The following PGGHG variants were observed in gnomAD, a reference collection of about 807,000 sequenced individuals.
PGGHG encodes the protein protein-glucosylgalactosylhydroxylysine glucosidase.
A neutral mutation model predicts 74.5 loss-of-function variants in PGGHG; 67 were observed. The observed-to-expected ratio is 0.90, with a 90% CI of 0.74 to 1.10. The LOEUF is 1.10. Ranked by LOEUF, PGGHG falls within the 50% of genes least tolerant of loss-of-function variation. The pLI is 0.00. For synonymous variants in PGGHG, 496 were observed against 419.9 expected, an observed-to-expected ratio of 1.18 and a Z score of -2.21; for missense variants, 1,034 against 981.5, an observed-to-expected ratio of 1.05 and a Z score of -0.72.
intron 2 of PGGHG, 136 bp downstream of exon 2, chr11:290,211 C>A: frequency 7.2e-7 from 1 of 1,389,890 alleles, no homozygotes; most frequent in African/African-American, 1.5e-5. Flanking sequence ...CCCAGAGGCC[C>A]GCAGGGTCCC....
chr11:295,176 G>A lies in PGGHG; in HGVS notation c.*427G>A, dbSNP rs529512693. The stretch of plus-strand genomic sequence containing the variant: ...CGTGGACAGCAGGGATAAGGGGCAC[G>A]AAGGACGGGGACTCGGCCCCTTCAG... On this transcript the variant is annotated 3_prime_UTR_variant, in exon 14 of 14. Transcript: ENST00000409548. 3.0e-4 allele frequency: 48 copies of A among 161,716 alleles called. No homozygotes were observed. The highest frequency in any genetic ancestry group is 1.0e-3 in the African/African-American group (44 of 41,944). 10.0% of individuals were successfully genotyped at this position (161,716 alleles called of 1,614,324 possible). A position where few individuals can be genotyped will look rare whatever the true frequency, so the allele number is the denominator to read the frequency against.
At chr11:291,315 G>A (rs1845713883) in intron 4 of PGGHG, 2 of 630,450 alleles carry the variant, frequency 3.2e-6, no homozygotes, top group Admixed American at 3.5e-5. Flanking sequence ...AGAGCTGAGA[G>A]GGCCTGAGGC....
At chr11:293,101 C>T (rs548505527) in intron 7 of PGGHG, 62 bp from the exon 8 acceptor site, 11 of 1,613,894 alleles carry the variant, frequency 6.8e-6, no homozygotes, top group Admixed American at 3.3e-5. Flanking sequence ...CGCTGACCAC[C>T]GGCGTGGAGG....
At position 290,516 on chromosome 11, in the gene PGGHG, C is replaced by T; in HGVS notation, c.386C>T (p.Pro129Leu). The T allele has an allele frequency of 6.4e-7, 1 of 1,550,504 alleles. No homozygotes were observed. Among genetic ancestry groups the T allele is most frequent in the African/African-American group, 1.4e-5 (1 of 73,166 alleles). The change falls in exon 3 of 14, where the codon CCC becomes CTC. Residue 129 changes from proline (P) to leucine (L), a missense_variant. Coordinates refer to ENST00000409548, the MANE Select transcript of PGGHG (RefSeq NM_025092.5). The stretch of plus-strand genomic sequence containing the variant: ...GCCCGCCTGGCCCCGGGGAGCGGGC[C>T]CATCACGCTGCTCCTGCGGTCAGCC... Reference protein sequence around the residue: ...SIARLAPGSGPITLLLRSAFS... With the variant: ...SIARLAPGSGLITLLLRSAFS...
Position 290,437 on chromosome 11 carries a change from T to G in PGGHG, c.307T>G (p.Cys103Gly). Residue 103 changes from cysteine to glycine, a missense_variant, in exon 3 of 14, where the codon TGC becomes GGC. Physicochemically the swap from Cys to Gly is radical, Grantham distance 159. Transcript: ENST00000409548. Reference sequence around the variant, plus strand: ...GGGCCCCCGCTTCCGGGCCTCCCAGTGCATCTATGCGCATCGCACGCTGCC... The same window carrying G: ...GGGCCCCCGCTTCCGGGCCTCCCAGGGCATCTATGCGCATCGCACGCTGCC... Reference protein sequence around the residue: ...LEGPRFRASQCIYAHRTLPHV... With the variant: ...LEGPRFRASQGIYAHRTLPHV... 6.5e-7 allele frequency: 1 copy of G among 1,548,962 alleles called. No homozygotes were observed. The highest frequency in any genetic ancestry group is 8.7e-7 in the Non-Finnish European group (1 of 1,146,912).
chr11:290,691 C>T lies in PGGHG; in HGVS notation c.484C>T (p.His162Tyr). The T allele has an allele frequency of 6.2e-7, 1 of 1,605,320 alleles. No homozygotes were observed. Among genetic ancestry groups the T allele is most frequent in the Non-Finnish European group, 8.5e-7 (1 of 1,174,800 alleles). The change falls in exon 4 of 14, where the codon CAC becomes TAC. Residue 162 changes from histidine to tyrosine, a missense_variant. Transcript: ENST00000409548. ...DFQGARYLYG[H>Y]TLTPEQPGGP... ...ACGCTCTCACAGGTACCTGTATGGC[C>T]ACACCCTCACCCCTGAGCAGCCCGG...
chr11:290,571 G>A lies in PGGHG; in HGVS notation c.441G>A (p.Leu147=). 2 of 1,553,306 alleles carry A rather than the reference G, an allele frequency of 1.3e-6. No homozygotes were observed. The highest frequency in any genetic ancestry group is 1.7e-6 in the Non-Finnish European group (2 of 1,148,378). Residue 147 remains leucine, a synonymous_variant, in exon 3 of 14, where the codon CTG becomes CTA. Coordinates refer to ENST00000409548, the MANE Select transcript of PGGHG (RefSeq NM_025092.5). Reference sequence around the variant, plus strand: ...CCCCAGAAAGCCCAGACCTGGACCTGCATCAGGGTCCTGACTTCCAGGGAG... The same window carrying A: ...CCCCAGAAAGCCCAGACCTGGACCTACATCAGGGTCCTGACTTCCAGGGAG... The part of the protein sequence containing the change: ...AFSPESPDLD[L]HQGPDFQGAR...
intron 4 of PGGHG, 164 bp downstream of exon 4, chr11:291,277 G>T: frequency 1.1e-6 from 1 of 877,978 alleles, no homozygotes; most frequent in Non-Finnish European, 1.7e-6. Flanking sequence ...GAGTGATCTA[G>T]GTGAGGGGAA....
At position 294,216 on chromosome 11, in the gene PGGHG, G is replaced by T; in HGVS notation, c.1808+20G>T. ...GTTCAGGTAAGTGCAGAGGCTGGCA[G>T]AGGGCAGCCCATGCCCCCACCTGCC... On this transcript the variant is annotated intron_variant, in intron 12 of 13. Transcript: ENST00000409548. 1 of 1,599,144 alleles carries T rather than the reference G, an allele frequency of 6.3e-7. No homozygotes were observed. Among genetic ancestry groups the T allele is most frequent in the Non-Finnish European group, 8.5e-7 (1 of 1,171,624 alleles).
rs757037803 is a variant in PGGHG at position 293,617 on chromosome 11, G to A, written c.1504G>A (p.Val502Ile). 1.1e-5 allele frequency: 18 copies of A among 1,613,488 alleles called. No individual in the cohort carries two copies. The highest frequency in any genetic ancestry group is 9.3e-5 in the African/African-American group (7 of 74,912). Reference protein sequence around the residue: ...EPGEVVKQADVVLLGYPVPFS... With the variant: ...EPGEVVKQADIVLLGYPVPFS... ...AGGAGAGGTGGTGAAGCAGGCAGACGTCGTGCTCCTGGGATACCCAGTCCC... is the reference window on the plus strand; with the variant it reads ...AGGAGAGGTGGTGAAGCAGGCAGACATCGTGCTCCTGGGATACCCAGTCCC... The change falls in exon 10 of 14, where the codon GTC becomes ATC. Residue 502 changes from valine to isoleucine, a missense_variant. Coordinates refer to ENST00000409548, the MANE Select transcript of PGGHG (RefSeq NM_025092.5).
rs1332400128 is a variant in PGGHG at position 293,065 on chromosome 11, C to T, written c.1270+68C>T. 1.9e-6 allele frequency: 3 copies of T among 1,613,826 alleles called. No homozygotes were observed. The Admixed American group carries it at 5.0e-5, about 27-fold the overall frequency. ...GCTCCCAGACTCAGCAGATGATTTTCAGACACCTCACGTGTGCCAGCCCCA... is the reference window on the plus strand; with the variant it reads ...GCTCCCAGACTCAGCAGATGATTTTTAGACACCTCACGTGTGCCAGCCCCA... On this transcript the variant is annotated intron_variant, in intron 7 of 13. Transcript: ENST00000409548.
rs747510894 is a variant in PGGHG at position 293,717 on chromosome 11, C to T, written c.1604C>T (p.Ala535Val). ...YEAVTSPQGPAMTWSMFAVGW... is the reference protein window; with the variant it reads ...YEAVTSPQGPVMTWSMFAVGW... ...GCTGTGACGTCCCCCCAGGGCCCCG[C>T]CATGACCTGGGTGAGCACCCTGGGG... is the stretch of plus-strand genomic sequence containing the variant. The change falls in exon 10 of 14, where the codon GCC becomes GTC. Residue 535 changes from alanine to valine, a missense_variant. Coordinates refer to ENST00000409548, the MANE Select transcript of PGGHG (RefSeq NM_025092.5). 1 of 1,613,232 alleles carries T rather than the reference C, an allele frequency of 6.2e-7. No individual in the cohort carries two copies. Among genetic ancestry groups the T allele is most frequent in the East Asian group, 2.2e-5 (1 of 44,892 alleles).
At position 294,082 on chromosome 11, in the gene PGGHG, T is replaced by A; in HGVS notation, c.1711-17T>A. On this transcript the variant is annotated splice_polypyrimidine_tract_variant and intron_variant, in intron 11 of 13. Coordinates refer to ENST00000409548, the MANE Select transcript of PGGHG (RefSeq NM_025092.5). ...GTGACCTGGGGGTCCTGGTGTCAGCTGCCCTTGCCCCTGCAGGTGTGGACG... is the reference window on the plus strand; with the variant it reads ...GTGACCTGGGGGTCCTGGTGTCAGCAGCCCTTGCCCCTGCAGGTGTGGACG... 6.3e-7 allele frequency: 1 copy of A among 1,593,040 alleles called. No individual in the cohort carries two copies. Among genetic ancestry groups the A allele is most frequent in the Non-Finnish European group, 8.6e-7 (1 of 1,167,874 alleles).
rs1438263415 is a variant in PGGHG at position 290,793 on chromosome 11, A to G, written c.586A>G (p.Arg196Gly). The change falls in exon 4 of 14, where the codon AGG becomes GGG. Residue 196 changes from arginine to glycine, a missense_variant. Coordinates refer to ENST00000409548, the MANE Select transcript of PGGHG (RefSeq NM_025092.5). ...DLTLGEGEEA[R>G]TWDFLTAVGG... The stretch of plus-strand genomic sequence containing the variant: ...GACCCTTGGGGAAGGTGAGGAGGCT[A>G]GGACGTGGGACTTCCTGACAGCAGT... 6.2e-7 allele frequency: 1 copy of G among 1,612,686 alleles called. No individual in the cohort carries two copies.
rs1467755565 is a variant in PGGHG at position 293,604 on chromosome 11, G to A, written c.1491G>A (p.Val497=). The change falls in exon 10 of 14, where the codon GTG becomes GTA. Residue 497 remains valine, a synonymous_variant. Coordinates refer to ENST00000409548, the MANE Select transcript of PGGHG (RefSeq NM_025092.5). ...GGCACCTCCCTGTAGGAGAGGTGGTGAAGCAGGCAGACGTCGTGCTCCTGG... is the reference window on the plus strand; with the variant it reads ...GGCACCTCCCTGTAGGAGAGGTGGTAAAGCAGGCAGACGTCGTGCTCCTGG... ...EFDGYEPGEV[V]KQADVVLLGY... is the part of the protein sequence containing the mutation. The A allele has an allele frequency of 8.7e-6, 14 of 1,613,480 alleles. No individual in the cohort carries two copies. The highest frequency in any genetic ancestry group is 1.6e-4 in the Middle Eastern group (1 of 6,084).
chr11:292,550 C>G lies in PGGHG; in HGVS notation c.1031C>G (p.Ala344Gly). The stretch of plus-strand genomic sequence containing the variant: ...TGCCCCCTCCCAACCCCTCAGGGAG[C>G]CAAGTTTGCCTGGGAGAGTGCAGAC... The part of the protein sequence containing the change: ...ENAQNLGYQG[A>G]KFAWESADSG... Residue 344 changes from alanine to glycine, a missense_variant, in exon 6 of 14, where the codon GCC (alanine) becomes GGC (glycine). By Grantham distance (60) the Ala-to-Gly change is moderately conservative. Transcript: ENST00000409548. The G allele has an allele frequency of 1.2e-6, 2 of 1,613,218 alleles. No homozygotes were observed. Among genetic ancestry groups the G allele is most frequent in the African/African-American group, 1.3e-5 (1 of 75,042 alleles).
At chr11:291,784 A>G (rs1330507512) in intron 4 of PGGHG, 192 bp from the exon 5 acceptor site, 1 of 788,074 alleles carries the variant, frequency 1.3e-6, no homozygotes, top group Non-Finnish European at 1.9e-6. Flanking sequence ...GCTGAGCACC[A>G]GAACTCCAGG....
At chr11:293,773 C>T (rs372558265) in intron 10 of PGGHG, 46 bp downstream of exon 10, 5 of 1,613,308 alleles carry the variant, frequency 3.1e-6, no homozygotes, top group East Asian at 2.2e-5. Context: ...TGGCCTCAGT[C>T]TTCTCTGCCC....
chr11:291,272 A>G, intron 4 of PGGHG, 159 bp downstream of exon 4: 1 of 910,520 alleles, frequency 1.1e-6, no homozygotes, highest in Non-Finnish European at 1.6e-6. Flanking sequence ...TAGAGGAGTG[A>G]TCTAGGTGAG....
Sources: allele counts gnomAD v4.1 joint callset, GRCh38; gene constraint gnomAD v4.1.1; transcripts MANE v1.5; gene names NCBI Gene and HGNC (gene_info 2026-07-23, HGNC 2026-07-21).